The following PTPRD variants were observed in gnomAD, a reference collection of about 807,000 sequenced individuals.
The protein encoded by PTPRD is protein tyrosine phosphatase receptor type D.
In PTPRD, 34 loss-of-function variants were observed where a neutral mutation model predicts 214.5. The ratio of observed to expected loss-of-function variants is 0.16; its 90% confidence interval spans 0.12 to 0.21. The LOEUF (loss-of-function observed/expected upper bound fraction) is 0.21, where lower values mean the gene tolerates loss of function less well. PTPRD is among the 10% of genes least tolerant of loss of function. The pLI is 1.00. For missense variants in PTPRD, 2,545 were observed against 2,398.7 expected, an observed-to-expected ratio of 1.06 and a Z score of -1.27; for synonymous variants, 1,128 against 845.7, an observed-to-expected ratio of 1.33 and a Z score of -5.79.
At chr9:9,436,360 C>T (rs920360744) in intron 8 of PTPRD, among the ~76,000 whole-genome samples, 9 of 152,018 alleles carry the variant, frequency 5.9e-5, no homozygotes, top group Non-Finnish European at 1.2e-4. Context: ...ACATAAGGCC[C>T]TTCTTAGGCT....
At chr9:10,100,353 A>G (rs1469991794) in intron 3 of PTPRD, among the ~76,000 whole-genome samples, 1 of 151,688 alleles carries the variant, frequency 6.6e-6, no homozygotes, top group Non-Finnish European at 1.5e-5. Context: ...CCCAAGTTCA[A>G]ATGGGTAGAA....
chr9:9,409,890 A>G (rs2074815522), intron 8 of PTPRD, among the ~76,000 whole-genome samples: 1 of 152,090 alleles, frequency 6.6e-6, no homozygotes, highest in Non-Finnish European at 1.5e-5. Flanking sequence ...ACGATAAGAA[A>G]CTTTGGTCTA....
chr9:9,759,647 T>G (rs2098633437), intron 6 of PTPRD, among the ~76,000 whole-genome samples: 1 of 142,976 alleles, frequency 7.0e-6, no homozygotes. Context: ...AACCTCTACC[T>G]CCCAGGTTCA....
intron 8 of PTPRD, among the ~76,000 whole-genome samples, chr9:9,536,837 G>A (rs1346921073): frequency 2.0e-5 from 3 of 151,922 alleles, no homozygotes; most frequent in South Asian, 2.1e-4. Context: ...CCCAGCACTC[G>A]TTTTCAATTA....
intron 11 of PTPRD, among the ~76,000 whole-genome samples, chr9:8,971,719 A>C (rs1340781666): frequency 6.6e-6 from 1 of 151,330 alleles, no homozygotes; most frequent in African/African-American, 2.4e-5. Context: ...AATAATAATT[A>C]AATATTTATT....
intron 6 of PTPRD, among the ~76,000 whole-genome samples, chr9:9,761,247 G>A (rs1280081908): frequency 1.3e-5 from 2 of 152,086 alleles, no homozygotes; most frequent in African/African-American, 2.4e-5. Flanking sequence ...CAACAACTTG[G>A]GTGAATCTCC....
chr9:9,670,510 G>A (rs2096807127), intron 7 of PTPRD, among the ~76,000 whole-genome samples: 1 of 152,176 alleles, frequency 6.6e-6, no homozygotes, highest in African/African-American at 2.4e-5. Context: ...GACAATAAGG[G>A]AAAACGGAAA....
intron 2 of PTPRD, among the ~76,000 whole-genome samples, chr9:10,574,643 T>G (rs2068583822): frequency 6.6e-6 from 1 of 151,842 alleles, no homozygotes; most frequent in South Asian, 2.1e-4. Context: ...ACACAGGAAG[T>G]TTTCATAGCA....
At chr9:9,217,317 C>T (rs939759713) in intron 9 of PTPRD, among the ~76,000 whole-genome samples, 4 of 152,050 alleles carry the variant, frequency 2.6e-5, no homozygotes, top group South Asian at 2.1e-4. Flanking sequence ...AAGAAGCCTG[C>T]GTGGCACCTC....
intron 11 of PTPRD, among the ~76,000 whole-genome samples, chr9:8,937,039 T>G (rs1339743067): frequency 6.6e-6 from 1 of 151,874 alleles, no homozygotes; most frequent in Non-Finnish European, 1.5e-5. Context: ...CATTACCACT[T>G]TCTGATGGCG....
intron 3 of PTPRD, among the ~76,000 whole-genome samples, chr9:10,248,718 C>A (rs1013344793): frequency 6.6e-6 from 1 of 151,968 alleles, no homozygotes; most frequent in Non-Finnish European, 1.5e-5. Context: ...TTTGGACGTG[C>A]CTTCTTTAAA....
intron 7 of PTPRD, among the ~76,000 whole-genome samples, chr9:9,653,348 CAAAAAAAAAAAAAAAAAAA>C (rs1175875551): frequency 2.2e-4 from 7 of 32,506 alleles, no homozygotes; most frequent in East Asian, 7.0e-3. Context: ...GACTCCGTCT[CAAAAAAAAAAAAAAAAAAA>C]AAAAAAAAAA....
intron 5 of PTPRD, among the ~76,000 whole-genome samples, chr9:9,911,263 C>T (rs1406156308): frequency 6.6e-6 from 1 of 152,074 alleles, no homozygotes. Context: ...TTGCTCTCGT[C>T]CCATACTGCA....
chr9:8,445,063 T>C (rs1427656429), intron 34 of PTPRD, among the ~76,000 whole-genome samples: 4 of 152,178 alleles, frequency 2.6e-5, no homozygotes, highest in Non-Finnish European at 4.4e-5. Flanking sequence ...ACTCCTCTAC[T>C]ACGTCACCTC....
chr9:10,118,235 CAT>C (rs2098746945), intron 3 of PTPRD, among the ~76,000 whole-genome samples: 1 of 118,028 alleles, frequency 8.5e-6, no homozygotes, highest in Non-Finnish European at 2.0e-5. Context: ...TATCTATCTA[CAT>C]ATATCCATTA....
intron 9 of PTPRD, among the ~76,000 whole-genome samples, chr9:9,355,556 GAAA>G (rs2053441772): frequency 6.6e-6 from 1 of 151,498 alleles, no homozygotes; most frequent in Non-Finnish European, 1.5e-5. Context: ...GAGAAGATGA[GAAA>G]AGTCAGGGAC....
At chr9:10,260,943 C>CAT (rs2093648824) in intron 3 of PTPRD, among the ~76,000 whole-genome samples, 1 of 148,032 alleles carries the variant, frequency 6.8e-6, no homozygotes, top group South Asian at 2.1e-4. Context: ...TTATTTAGGG[C>CAT]ATATATACAT....
intron 11 of PTPRD, among the ~76,000 whole-genome samples, chr9:8,924,182 G>C (rs1221587391): frequency 2.6e-5 from 4 of 152,098 alleles, no homozygotes; most frequent in Non-Finnish European, 4.4e-5. Flanking sequence ...GAGAAAGGGA[G>C]TTTAAATAAG....
At chr9:10,198,601 A>C (rs961865007) in intron 3 of PTPRD, among the ~76,000 whole-genome samples, 25 of 152,290 alleles carry the variant, frequency 1.6e-4, no homozygotes, top group African/African-American at 5.8e-4. Context: ...GCAAGGACAA[A>C]GGTAACATTG....
Sources: gnomAD v4.1 joint callset for allele counts (sites outside exome capture counted in the v4.1 genomes callset) on GRCh38, gnomAD v4.1.1 for gene constraint, MANE v1.5 for transcripts, NCBI Gene and HGNC (gene_info 2026-07-23, HGNC 2026-07-21) for gene names.